Variants in CSPG4 observed in about 807,000 individuals in gnomAD.
CSPG4 encodes chondroitin sulfate proteoglycan 4 (melanoma-associated).
A neutral mutation model predicts 139.3 loss-of-function variants in CSPG4; 74 were observed. That is an observed-to-expected ratio of 0.53 (90% CI 0.44 to 0.64). CSPG4 has a LOEUF of 0.64. CSPG4 is among the 30% of genes least tolerant of loss of function. The pLI is 0.00. For synonymous variants in CSPG4, 1,234 were observed against 1,394.2 expected (o/e 0.89, Z 2.56); for missense variants, 2,565 against 3,148.3 (o/e 0.81, Z 4.43).
chr15:75,698,552 G>A lies in CSPG4; in HGVS notation c.89-5319C>T, dbSNP rs546349331. Among the ~76,000 whole-genome samples the A allele has an allele frequency of 1.2e-3, 183 of 152,144 alleles. 1 individual carries two copies. Among genetic ancestry groups the A allele is most frequent in the Admixed American group, 3.7e-3 (56 of 15,286 alleles). On this transcript the variant is annotated intron_variant, in intron 1 of 9. Coordinates refer to ENST00000308508, the MANE Select transcript of CSPG4 (RefSeq NM_001897.5). The surrounding 1 kb of genome is among the most constrained non-coding windows in gnomAD (Gnocchi z 4.3). Reference sequence around the variant, plus strand: ...GCAGGGCATGGGTGAGTGTGTGCAGGAATGTGGGTCAGTGTCACATGTACA... The same window carrying A: ...GCAGGGCATGGGTGAGTGTGTGCAGAAATGTGGGTCAGTGTCACATGTACA...
intron 1 of CSPG4, among the ~76,000 whole-genome samples, chr15:75,712,278 C>T (rs1894456168): frequency 6.6e-6 from 1 of 151,860 alleles, no homozygotes; most frequent in South Asian, 2.1e-4. Flanking sequence ...GGACCCACTT[C>T]TCACTGTCGC....
chr15:75,683,106 T>A, intron 5 of CSPG4, 65 bp from the exon 6 acceptor site: 1 of 1,504,344 alleles, frequency 6.6e-7, no homozygotes, highest in South Asian at 1.2e-5. Flanking sequence ...TCCCCGGCCC[T>A]GGGCTGCCAC....
chr15:75,674,586 C>T lies in CSPG4; in HGVS notation c.*964G>A, dbSNP rs1024112528. 1.3e-5 allele frequency: 5 copies of T among 396,646 alleles called. No individual in the cohort carries two copies. The highest frequency in any genetic ancestry group is 2.1e-5 in the African/African-American group (1 of 48,568). 24.6% of individuals were successfully genotyped at this position (396,646 alleles called of 1,614,324 possible). A position where few individuals can be genotyped will look rare whatever the true frequency, so the allele number is the denominator to read the frequency against. On this transcript the variant is annotated 3_prime_UTR_variant, in exon 10 of 10. Coordinates refer to ENST00000308508, the MANE Select transcript of CSPG4 (RefSeq NM_001897.5). The stretch of plus-strand genomic sequence containing the variant: ...GTATGCAAGCCGACGCAGACAAGGG[C>T]CCAGTGCATAGTTAAGACACAAACA...
Position 75,675,116 on chromosome 15 carries a change from G to C in CSPG4, c.*434C>G, listed in dbSNP as rs1893870653. 2 of 331,134 alleles carry C rather than the reference G, an allele frequency of 6.0e-6. No homozygotes were observed. Among genetic ancestry groups the C allele is most frequent in the Admixed American group, 4.9e-5 (1 of 20,564 alleles). 20.5% of individuals were successfully genotyped at this position (331,134 alleles called of 1,614,324 possible). ...ACAAAGGGTGGCCTGGGTTGGAGTG[G>C]AAAAGCCAGGAATAGCTTCCTCTGT... On this transcript the variant is annotated 3_prime_UTR_variant, in exon 10 of 10. Transcript: ENST00000308508.
chr15:75,704,211 G>C (rs1340666243), intron 1 of CSPG4, among the ~76,000 whole-genome samples: 1 of 150,892 alleles, frequency 6.6e-6, no homozygotes, highest in East Asian at 2.0e-4. Context: ...CTCAAGCTCA[G>C]AATTTAGAGC....
chr15:75,707,039 C>T (rs918046172), intron 1 of CSPG4, among the ~76,000 whole-genome samples: 22 of 150,688 alleles, frequency 1.5e-4, no homozygotes, highest in African/African-American at 4.9e-4. Context: ...CTCACTGCAA[C>T]ATCTGCCTCC....
chr15:75,704,356 G>A (rs1231963877), intron 1 of CSPG4, among the ~76,000 whole-genome samples: 3 of 152,208 alleles, frequency 2.0e-5, no homozygotes, highest in Admixed American at 6.5e-5. Context: ...ACAATATCTC[G>A]CTGGCCCCAG....
intron 1 of CSPG4, among the ~76,000 whole-genome samples, chr15:75,711,053 G>T (rs1176700687): frequency 1.3e-5 from 2 of 152,218 alleles, no homozygotes; most frequent in Non-Finnish European, 2.9e-5. Flanking sequence ...CAGGCTGCTG[G>T]CCTTCCTGTC....
rs1166443820 is a variant in CSPG4, at chr15:75,703,427, C to T, written c.88+9241G>A. On this transcript the variant is annotated intron_variant, in intron 1 of 9. Transcript: ENST00000308508. The stretch of plus-strand genomic sequence containing the variant: ...AGAGTCTTCATGGTGCTCCAGGCAG[C>T]GTGGTCAGAGTCCGGGTGGAGCCGG... 4.0e-5 allele frequency among the ~76,000 whole-genome samples: 6 copies of T among 151,782 alleles called. No homozygotes were observed. In the East Asian group the frequency reaches 7.8e-4, roughly 20 times the overall value.
In CSPG4 at chr15:75,675,531, T is replaced by C; in HGVS notation, c.*19A>G. On this transcript the variant is annotated 3_prime_UTR_variant, in exon 10 of 10. Transcript: ENST00000308508. ...AAGCCTGTCCCTGGCCCGATCAGCA[T>C]CTGGGCCCAGGCCAGGCCTCACACC... is the stretch of plus-strand genomic sequence containing the variant. 1 of 1,472,720 alleles carries C rather than the reference T, an allele frequency of 6.8e-7. No individual in the cohort carries two copies. The highest frequency in any genetic ancestry group is 9.0e-7 in the Non-Finnish European group (1 of 1,110,680). 91.2% of individuals were successfully genotyped at this position (1,472,720 alleles called of 1,614,324 possible).
At position 75,688,885 on chromosome 15, in the gene CSPG4, G is replaced by A. The variant is rs772384621; in HGVS notation, c.2180C>T (p.Ala727Val). The change falls in exon 3 of 10, where the codon GCC becomes GTC. Residue 727 changes from alanine to valine, a missense_variant. By Grantham distance (64) the Ala-to-Val change is moderately conservative. Transcript: ENST00000308508. ...ATCCCGCTGGTGGAACGCCTGTGTG[G>A]CCCACCACTCAGCACCCTCCACCCC... ...AGGVEGAEWWATQAFHQRDVE... is the reference protein window; with the variant it reads ...AGGVEGAEWWVTQAFHQRDVE... The A allele has an allele frequency of 1.2e-6, 2 of 1,612,124 alleles. No individual in the cohort carries two copies. The highest frequency in any genetic ancestry group is 2.2e-5 in the East Asian group (1 of 44,880).
chr15:75,687,752 GC>G lies in CSPG4; in HGVS notation c.3312del (p.Gln1104HisfsTer74). On this transcript the variant is annotated frameshift_variant, in exon 3 of 10. Transcript: ENST00000308508. LOFTEE classifies it high-confidence loss of function. This position sits in a 1 kb window ranked among gnomAD's most constrained non-coding sequence, Gnocchi z 5.4. Reference protein sequence around the residue: ...VHSGADRGWIQLQVSDGQHQA... With the variant: ...VHSGADRGWIXLQVSDGQHQA... Reference sequence around the variant, plus strand: ...TGGTGTTGCCCGTCGGACACCTGCAGCTGGATCCAGCCACGGTCAGCCCCTG... The same window carrying G: ...TGGTGTTGCCCGTCGGACACCTGCAGTGGATCCAGCCACGGTCAGCCCCTG... 3.1e-6 allele frequency: 5 copies of G among 1,612,974 alleles called. No individual in the cohort carries two copies. Among genetic ancestry groups the G allele is most frequent in the Non-Finnish European group, 4.2e-6 (5 of 1,180,020 alleles).
chr15:75,684,831 C>T lies in CSPG4; in HGVS notation c.4354G>A (p.Glu1452Lys), dbSNP rs774329143. The T allele has an allele frequency of 1.4e-5, 22 of 1,613,514 alleles. No homozygotes were observed. In the East Asian group the frequency reaches 2.0e-4, roughly 15 times the overall value. ...ACAGGATGGCTCTGGCGATCCATCT[C>T]GGAGGCATTAGCCATCAGGACAAAA... ...DSFVLMANAS[E>K]MDRQSHPVAF... The change falls in exon 5 of 10, where the codon GAG becomes AAG. Residue 1452 changes from glutamate (E) to lysine (K), a missense_variant. Around this residue, in one of 5 missense-constraint regions of CSPG4, gnomAD observed 2,316 missense variants for 2,818.2 expected, o/e 0.82. Coordinates refer to ENST00000308508, the MANE Select transcript of CSPG4 (RefSeq NM_001897.5).
chr15:75,691,660 G>C (rs1894166483), intron 2 of CSPG4, among the ~76,000 whole-genome samples: 1 of 152,158 alleles, frequency 6.6e-6, no homozygotes, highest in East Asian at 1.9e-4. Flanking sequence ...TCCCTGACCT[G>C]GGGTGGAAGG....
chr15:75,705,999 C>CTGTGTCTCTGTGTGTGTGTGTGTG (rs1894366214), intron 1 of CSPG4, among the ~76,000 whole-genome samples: 1 of 152,084 alleles, frequency 6.6e-6, no homozygotes, highest in African/African-American at 2.4e-5. Context: ...GTGCGTATGT[C>CTGTGTCTCTGTGTGTGTGTGTGTG]TGTGTCTCTG....
At position 75,684,763 on chromosome 15, in the gene CSPG4, G is replaced by T. The variant is rs1415309675; in HGVS notation, c.4422C>A (p.Pro1474=). Residue 1474 remains proline (P), a synonymous_variant, in exon 5 of 10, where the codon CCC becomes CCA. Coordinates refer to ENST00000308508, the MANE Select transcript of CSPG4 (RefSeq NM_001897.5). The part of the protein sequence containing the change: ...VTVLPVNDQP[P]ILTTNTGLQM... ...GCAGGCCTGTGTTTGTAGTGAGGAT[G>T]GGGGGTTGGTCATTGACAGGCAGGA... is the stretch of plus-strand genomic sequence containing the variant. The T allele has an allele frequency of 1.9e-6, 3 of 1,613,756 alleles. No individual in the cohort carries two copies. Among genetic ancestry groups the T allele is most frequent in the Non-Finnish European group, 2.5e-6 (3 of 1,179,868 alleles).
chr15:75,685,321 G>A lies in CSPG4; in HGVS notation c.4170C>T (p.Leu1390=), dbSNP rs1449953301. 1 of 1,604,558 alleles carries A rather than the reference G, an allele frequency of 6.2e-7. No individual in the cohort carries two copies. Among genetic ancestry groups the A allele is most frequent in the East Asian group, 2.2e-5 (1 of 44,728 alleles). Residue 1390 remains leucine, a synonymous_variant, in exon 4 of 10, where the codon CTC becomes CTT. Coordinates refer to ENST00000308508, the MANE Select transcript of CSPG4 (RefSeq NM_001897.5). ...LRVSGPYFPT[L]LGLSLQVLEP... ...CCAGCACCTGCAGGCTGAGGCCCAG[G>A]AGAGTGGGGAAGTAGGGCCCGGAGA...
rs147116973 is a variant in CSPG4, at chr15:75,689,717, T to A, written c.1348A>T (p.Arg450Trp). Residue 450 changes from arginine (R) to tryptophan (W), a missense_variant, in exon 3 of 10, where the codon AGG becomes TGG. Arg to Trp is a moderately radical substitution (Grantham distance 101). Around this residue, in one of 5 missense-constraint regions of CSPG4, gnomAD observed 2,316 missense variants for 2,818.2 expected, o/e 0.82. Transcript: ENST00000308508. ...AGGTCCAGCGTGGGCTGCACATGCC[T>A]CCACTCAAGCCAGGCTGTGCCCCCC... ...AEGGTAWLEW[R>W]HVQPTLDLME... 25,092 of 1,467,328 alleles carry A rather than the reference T, an allele frequency of 0.017. 69 individuals are homozygous for A. Among genetic ancestry groups the A allele is most frequent in the African/African-American group, 0.073 (4,790 of 66,024 alleles). The allele number at this position is 1,467,328 out of a possible 1,614,324, so 90.9% of individuals were successfully genotyped here. A position where few individuals can be genotyped will look rare whatever the true frequency, so the allele number is the denominator to read the frequency against.
chr15:75,677,671 C>T (rs754309346), intron 9 of CSPG4, 32 bp downstream of exon 9: 2 of 1,566,410 alleles, frequency 1.3e-6, no homozygotes, highest in Admixed American at 1.9e-5. Flanking sequence ...TTGTCCCTCC[C>T]CACAATCTTG....
Sources: gnomAD v4.1 joint callset for allele counts (sites outside exome capture counted in the v4.1 genomes callset) on GRCh38, gnomAD v4.1.1 for gene constraint, gnomAD v4.1.1 regional missense constraint, Gnocchi (gnomAD v3.1) non-coding constraint, MANE v1.5 for transcripts, NCBI Gene and HGNC (gene_info 2026-07-23, HGNC 2026-07-21) for gene names.